Variants in MAF observed in about 807,000 individuals in gnomAD.
MAF encodes the protein MAF bZIP transcription factor.
Under a neutral mutation model 22.0 loss-of-function variants are expected in MAF, and 10 were observed. The ratio of observed to expected loss-of-function variants is 0.45; its 90% CI spans 0.28 to 0.77. The LOEUF is 0.77. MAF is among the 30% of genes least tolerant of loss of function. MAF has a pLI of 0.12. For synonymous variants in MAF, 337 were observed against 255.8 expected, an observed-to-expected ratio of 1.32 and a Z score of -3.03; for missense variants, 544 against 548.4, an observed-to-expected ratio of 0.99 and a Z score of 0.08.
At chr16:79,388,643 TG>T in the MAF span, among the ~76,000 whole-genome samples, 1 of 152,210 alleles carries the variant, frequency 6.6e-6, no homozygotes, top group Non-Finnish European at 1.5e-5. Context: ...GCCAATAAAA[TG>T]GCCTAAAAAT....
At chr16:79,544,127 C>G in the MAF span, among the ~76,000 whole-genome samples, 1 of 152,024 alleles carries the variant, frequency 6.6e-6, no homozygotes, top group Admixed American at 6.6e-5. Context: ...ATATGGTCAA[C>G]CGTGGGGGGG....
chr16:79,267,583 C>A, the MAF span, among the ~76,000 whole-genome samples: 2 of 152,102 alleles, frequency 1.3e-5, no homozygotes, highest in Non-Finnish European at 2.9e-5. Context: ...CAGCTGGTGG[C>A]GGACAGTGCA....
At chr16:79,284,871 T>A in the MAF span, among the ~76,000 whole-genome samples, 1 of 152,120 alleles carries the variant, frequency 6.6e-6, no homozygotes, top group Non-Finnish European at 1.5e-5. Context: ...TACAGAACTC[T>A]GGGTCCAGCC....
the MAF span, among the ~76,000 whole-genome samples, chr16:79,411,097 A>C: frequency 1.3e-5 from 2 of 150,874 alleles, no homozygotes; most frequent in South Asian, 2.1e-4. Flanking sequence ...TTATTCACCA[A>C]CTCCTCCCTT....
At chr16:79,217,030 G>A in the MAF span, among the ~76,000 whole-genome samples, 182 of 152,206 alleles carry the variant, frequency 1.2e-3, no homozygotes, top group African/African-American at 4.3e-3. Context: ...GGCTGGTCTC[G>A]AACTCCTGCC....
At chr16:79,451,244 C>A in the MAF span, among the ~76,000 whole-genome samples, 2 of 152,150 alleles carry the variant, frequency 1.3e-5, no homozygotes, top group African/African-American at 4.8e-5. Context: ...AAAGGGTTAG[C>A]TAATTCATGT....
the MAF span, among the ~76,000 whole-genome samples, chr16:79,448,394 T>C: frequency 0.059 from 8,403 of 142,080 alleles, 292 homozygotes; most frequent in South Asian, 0.15. Context: ...TTTTTTTTTT[T>C]AGCAATGAAG....
At chr16:79,493,455 C>T in the MAF span, among the ~76,000 whole-genome samples, 1 of 152,172 alleles carries the variant, frequency 6.6e-6, no homozygotes, top group Non-Finnish European at 1.5e-5. Flanking sequence ...GCTGGGATTA[C>T]AGGAATGAGC....
chr16:79,596,310 G>A, intron 1 of MAF: 1 of 1,059,602 alleles, frequency 9.4e-7, no homozygotes. Context: ...TTGCTAATCA[G>A]TATATGGGGC....
chr16:79,472,913 G>C, the MAF span, among the ~76,000 whole-genome samples: 2 of 152,040 alleles, frequency 1.3e-5, no homozygotes, highest in African/African-American at 4.8e-5. Flanking sequence ...GTCAGTGATT[G>C]AATGGGTGTG....
At chr16:79,352,089 T>C in the MAF span, among the ~76,000 whole-genome samples, 1 of 152,080 alleles carries the variant, frequency 6.6e-6, no homozygotes, top group Non-Finnish European at 1.5e-5. Context: ...GACTAGTTCT[T>C]AGGGGAGATG....
At chr16:79,575,632 C>T in the MAF span, among the ~76,000 whole-genome samples, 1 of 152,134 alleles carries the variant, frequency 6.6e-6, no homozygotes, top group Non-Finnish European at 1.5e-5. Context: ...GTAGAGAAGG[C>T]CTGCCTGCTT....
the MAF span, among the ~76,000 whole-genome samples, chr16:79,491,261 A>G: frequency 5.3e-5 from 8 of 152,326 alleles, no homozygotes; most frequent in African/African-American, 1.9e-4. Flanking sequence ...GGCAAACACC[A>G]ACCTGAGTGG....
At chr16:79,236,953 A>AAC in the MAF span, among the ~76,000 whole-genome samples, 1 of 151,464 alleles carries the variant, frequency 6.6e-6, no homozygotes, top group Non-Finnish European at 1.5e-5. Flanking sequence ...GGAAAAAAAA[A>AAC]AAAAAACTCA....
chr16:79,599,256 G>C lies in MAF; in HGVS notation c.647C>G (p.Ala216Gly), dbSNP rs1031704678. 16 of 978,102 alleles carry C rather than the reference G, an allele frequency of 1.6e-5. No individual in the cohort carries two copies. Among genetic ancestry groups the C allele is most frequent in the Non-Finnish European group, 1.9e-5 (16 of 827,188 alleles). 60.6% of individuals were successfully genotyped at this position (978,102 alleles called of 1,614,324 possible). The change falls in exon 1 of 2, where the codon GCG (alanine) becomes GGG (glycine). Residue 216 changes from alanine (A) to glycine (G), a missense_variant. Physicochemically the swap from Ala to Gly is moderately conservative, Grantham distance 60. Around this residue, in one of 5 missense-constraint regions of MAF, gnomAD observed 342 missense variants for 315.5 expected, o/e 1.08. Transcript: ENST00000326043. ...AGCGCTGGCCGGGCCACCGCCGCCC[G>C]CGCCCCCAGCGCCACCGGCCGAGGC... is the stretch of plus-strand genomic sequence containing the variant. ...AAASAGGAGG[A>G]GGGGPASAGG...
At chr16:79,258,181 G>T in the MAF span, among the ~76,000 whole-genome samples, 11 of 152,316 alleles carry the variant, frequency 7.2e-5, no homozygotes, top group South Asian at 2.3e-3. Flanking sequence ...AGACGCCTCT[G>T]GGGTGTGTGG....
chr16:79,509,670 T>A, the MAF span, among the ~76,000 whole-genome samples: 1 of 152,242 alleles, frequency 6.6e-6, no homozygotes. Flanking sequence ...AGCGTGTAAT[T>A]CATTCACAGT....
At chr16:79,594,739 A>T in intron 1 of MAF, 186 bp from the exon 2 acceptor site, 1 of 1,405,230 alleles carries the variant, frequency 7.1e-7, no homozygotes, top group South Asian at 1.6e-5. Context: ...TTTGTTTGCT[A>T]CTCCCACTAT....
the MAF span, chr16:79,211,553 A>G: frequency 2.5e-6 from 4 of 1,580,012 alleles, no homozygotes; most frequent in Non-Finnish European, 3.5e-6. Flanking sequence ...AAATGACGCC[A>G]TCTCATCACT....
Sources: gnomAD v4.1 joint callset for allele counts (sites outside exome capture counted in the v4.1 genomes callset) on GRCh38, gnomAD v4.1.1 for gene constraint, gnomAD v4.1.1 regional missense constraint, MANE v1.5 for transcripts, NCBI Gene and HGNC (gene_info 2026-07-23, HGNC 2026-07-21) for gene names.